TAF15: variants seen among roughly 807,000 people sequenced by gnomAD.
TAF15 encodes the protein TATA-binding protein-associated factor 2N.
TAF15 carries 37 observed loss-of-function variants against 102.5 expected under a neutral mutation model. The ratio of observed to expected loss-of-function variants is 0.36; its 90% CI spans 0.28 to 0.47. The LOEUF (loss-of-function observed/expected upper bound fraction) is 0.47, where lower values mean the gene tolerates loss of function less well. TAF15 is among the 20% of genes least tolerant of loss of function. The pLI, the probability that TAF15 is intolerant of heterozygous loss-of-function variation, is 0.99. For missense variants in TAF15, 652 were observed against 760.7 expected (o/e 0.86, Z 1.68); for synonymous variants, 273 against 259.2 (o/e 1.05, Z -0.51).
intron 1 of TAF15, among the ~76,000 whole-genome samples, chr17:35,813,195 G>C (rs1484283125): frequency 1.3e-5 from 2 of 150,956 alleles, no homozygotes; most frequent in Non-Finnish European, 3.0e-5. Flanking sequence ...CAAGTAAAAC[G>C]TTTAGAATTA....
At chr17:35,829,548 C>T (rs1180938447) in intron 7 of TAF15, among the ~76,000 whole-genome samples, 2 of 135,194 alleles carry the variant, frequency 1.5e-5, no homozygotes, top group South Asian at 2.5e-4. Context: ...AGGAGAATGG[C>T]GTGAACCCAG....
intron 15 of TAF15, among the ~76,000 whole-genome samples, chr17:35,845,421 A>G (rs1166636335): frequency 6.6e-6 from 1 of 151,720 alleles, no homozygotes; most frequent in African/African-American, 2.4e-5. Flanking sequence ...CACCTCGCCA[A>G]TTTTTTTTAT....
chr17:35,834,103 A>G (rs946684699), intron 8 of TAF15, among the ~76,000 whole-genome samples, 162 bp downstream of exon 8: 3 of 151,788 alleles, frequency 2.0e-5, no homozygotes, highest in African/African-American at 7.3e-5. Context: ...ATACACATAT[A>G]TATATCAAAG....
At chr17:35,827,335 C>CAAA (rs745381454) in intron 7 of TAF15, among the ~76,000 whole-genome samples, 1 of 67,082 alleles carries the variant, frequency 1.5e-5, no homozygotes, top group Non-Finnish European at 3.1e-5. Flanking sequence ...GACTCCGTCG[C>CAAA]AAAAAAAAAA....
chr17:35,823,959 G>A, intron 6 of TAF15, 119 bp from the exon 7 acceptor site: 1 of 1,224,350 alleles, frequency 8.2e-7, no homozygotes, highest in Non-Finnish European at 1.2e-6. Flanking sequence ...CATTTGAGTT[G>A]TGTGCACATG....
rs139380403 is a variant in TAF15, at chr17:35,844,613, C to T, written c.1314C>T (p.Ser438=). Residue 438 remains serine, a synonymous_variant, in exon 15 of 16, where the codon AGC becomes AGT. Coordinates refer to ENST00000605844, the MANE Select transcript of TAF15 (RefSeq NM_139215.3). The part of the protein sequence containing the change: ...GGDRSSGGGY[S]GDRSGGGYGG... ...ACAGAAGCAGCGGTGGTGGCTACAG[C>T]GGAGATAGAAGTGGGGGCGGCTATG... The T allele has an allele frequency of 1.3e-4, 197 of 1,532,664 alleles. No individual in the cohort carries two copies. The East Asian group carries it at 1.5e-3, about 11-fold the overall frequency. 94.9% of individuals were successfully genotyped at this position (1,532,664 alleles called of 1,614,324 possible). A position where few individuals can be genotyped will look rare whatever the true frequency, so the allele number is the denominator to read the frequency against.
chr17:35,835,187 T>C (rs1436888551), intron 9 of TAF15, among the ~76,000 whole-genome samples: 4 of 152,216 alleles, frequency 2.6e-5, no homozygotes, highest in Non-Finnish European at 2.9e-5. Context: ...TTAGCATTAA[T>C]TATTTAAAAT....
chr17:35,829,398 C>T (rs1312201177), intron 7 of TAF15, among the ~76,000 whole-genome samples: 1 of 149,910 alleles, frequency 6.7e-6, no homozygotes, highest in East Asian at 2.0e-4. Flanking sequence ...TTTGGGAGGC[C>T]GAGACGGGTG....
intron 11 of TAF15, among the ~76,000 whole-genome samples, chr17:35,841,227 GTTTC>G (rs1214033149): frequency 6.6e-6 from 1 of 152,228 alleles, no homozygotes; most frequent in African/African-American, 2.4e-5. Flanking sequence ...TAAAATATGA[GTTTC>G]TTTTTCACCT....
At chr17:35,841,478 CTT>C (rs113419533) in intron 11 of TAF15, among the ~76,000 whole-genome samples, 67 of 145,426 alleles carry the variant, frequency 4.6e-4, no homozygotes, top group South Asian at 1.3e-3. Flanking sequence ...GCACCTGACT[CTT>C]TTTTTTTTTT....
intron 1 of TAF15, chr17:35,817,441 CTG>C (rs763556212): frequency 3.0e-5 from 13 of 426,990 alleles, no homozygotes; most frequent in Non-Finnish European, 5.1e-5. Flanking sequence ...GGTCTTGAGT[CTG>C]TTTAAAGAAT....
Position 35,841,714 on chromosome 17 carries a change from TGGAG to T in TAF15, c.914-652_914-649del, listed in dbSNP as rs1425240730. The stretch of plus-strand genomic sequence containing the variant: ...CGCCCAGCTTTTTTTTTTTTTTTTT[TGGAG>T]AGAGAGTATCACACTGTCTTCCAGG... On this transcript the variant is annotated intron_variant, in intron 11 of 15. Transcript: ENST00000605844. Among the ~76,000 whole-genome samples, 5 of 149,810 alleles carry T rather than the reference TGGAG, an allele frequency of 3.3e-5. No individual in the cohort carries two copies. In the East Asian group the frequency reaches 9.7e-4, roughly 29 times the overall value.
chr17:35,846,204 A>C (rs1433386824), intron 15 of TAF15, among the ~76,000 whole-genome samples: 1 of 152,192 alleles, frequency 6.6e-6, no homozygotes, highest in Admixed American at 6.5e-5. Context: ...TTCAATCCTA[A>C]CTCTACCACT....
chr17:35,826,724 A>AT (rs756619028), intron 7 of TAF15, among the ~76,000 whole-genome samples: 2,974 of 127,952 alleles, frequency 0.023, 58 homozygotes, highest in East Asian at 0.11. Flanking sequence ...CACCCGGCTA[A>AT]TTTTTTTTTT....
intron 1 of TAF15, among the ~76,000 whole-genome samples, chr17:35,813,358 G>T (rs751428642): frequency 5.3e-5 from 8 of 152,110 alleles, no homozygotes; most frequent in Non-Finnish European, 1.2e-4. Flanking sequence ...AAGATTTCAG[G>T]CATGGTGGCT....
At position 35,814,863 on chromosome 17, in the gene TAF15, A is replaced by AGT. The variant is rs1555615397; in HGVS notation, c.8-2844_8-2843dup. Among the ~76,000 whole-genome samples, 1,007 of 150,972 alleles carry AGT rather than the reference A, an allele frequency of 6.7e-3. 9 individuals are homozygous for AGT. Among genetic ancestry groups the AGT allele is most frequent in the African/African-American group, 0.024 (954 of 40,490 alleles). ...GTGAGACTCTGTCTCAAAAAAAAAA[A>AGT]GTGTGTGTGTATATATATATGTATA... On this transcript the variant is annotated intron_variant, in intron 1 of 15. Coordinates refer to ENST00000605844, the MANE Select transcript of TAF15 (RefSeq NM_139215.3).
intron 10 of TAF15, 75 bp from the exon 11 acceptor site, chr17:35,838,349 A>G (rs2087500917): frequency 6.3e-7 from 1 of 1,586,546 alleles, no homozygotes; most frequent in East Asian, 2.2e-5. Flanking sequence ...AAAAAAATAA[A>G]TCTTTGATTA....
chr17:35,831,413 A>T (rs2087404366), intron 7 of TAF15, among the ~76,000 whole-genome samples: 1 of 152,084 alleles, frequency 6.6e-6, no homozygotes, highest in African/African-American at 2.4e-5. Flanking sequence ...TCGCAAAAAA[A>T]AAAAAAAAGA....
In TAF15 at chr17:35,834,562, T is replaced by G; in HGVS notation, c.641-4T>G. 1 of 1,613,338 alleles carries G rather than the reference T, an allele frequency of 6.2e-7. No homozygotes were observed. Among genetic ancestry groups the G allele is most frequent in the Non-Finnish European group, 8.5e-7 (1 of 1,179,682 alleles). ...TAGCTCTTTTTTCTTTTCTTTTCCC[T>G]TAGGTCACAGGGATTATGGACCCAG... On this transcript the variant is annotated splice_polypyrimidine_tract_variant and splice_region_variant and intron_variant, in intron 8 of 15. Transcript: ENST00000605844.
Sources: gnomAD v4.1 joint callset for allele counts (sites outside exome capture counted in the v4.1 genomes callset) on GRCh38, gnomAD v4.1.1 for gene constraint, MANE v1.5 for transcripts, NCBI Gene and HGNC (gene_info 2026-07-23, HGNC 2026-07-21) for gene names.